Variants in THNSL1 observed in about 807,000 individuals in gnomAD.
The protein encoded by THNSL1 is threonine synthase like 1, also known as threonine synthase-like 1.
A neutral mutation model predicts 50.4 loss-of-function variants in THNSL1; 48 were observed. That is an observed-to-expected ratio of 0.95 (90% CI 0.76 to 1.21). The LOEUF is 1.21. Ranked by LOEUF, THNSL1 falls within the 50% of genes most tolerant of loss-of-function variation. The pLI is 0.00. For missense variants in THNSL1, 896 were observed against 871.7 expected (o/e 1.03, Z -0.35); for synonymous variants, 309 against 306.1 (o/e 1.01, Z -0.10).
At chr10:24,988,664 GTATA>G in the THNSL1 span, among the ~76,000 whole-genome samples, 8 of 98,874 alleles carry the variant, frequency 8.1e-5, no homozygotes, top group Non-Finnish European at 1.1e-4. Context: ...CACAGCATAT[GTATA>G]TATATATATA....
chr10:24,971,175 C>T, the THNSL1 span, among the ~76,000 whole-genome samples: 3 of 152,064 alleles, frequency 2.0e-5, no homozygotes, highest in Non-Finnish European at 4.4e-5. Flanking sequence ...TCATAGCTCA[C>T]TGCAGCCTCA....
chr10:24,967,988 G>A, the THNSL1 span, among the ~76,000 whole-genome samples: 1 of 137,772 alleles, frequency 7.3e-6, no homozygotes, highest in East Asian at 2.1e-4. Context: ...GTGTATATAT[G>A]TGTATGATGT....
At chr10:24,961,621 G>A in the THNSL1 span, among the ~76,000 whole-genome samples, 4 of 151,978 alleles carry the variant, frequency 2.6e-5, no homozygotes, top group African/African-American at 9.7e-5. Context: ...ACACTTTGAG[G>A]TTCGAGGGAA....
At chr10:25,015,864 G>A (rs761211810), upstream of THNSL1, 47 of 1,603,210 alleles carry the variant, frequency 2.9e-5, no homozygotes, top group Non-Finnish European at 3.7e-5. Flanking sequence ...ACATACCTAG[G>A]AGGCTGGGGA....
At chr10:24,985,868 G>A in the THNSL1 span, among the ~76,000 whole-genome samples, 1 of 152,152 alleles carries the variant, frequency 6.6e-6, no homozygotes, top group East Asian at 1.9e-4. Context: ...AGGAGTTCGA[G>A]ACCAGTGTGG....
upstream of THNSL1, among the ~76,000 whole-genome samples, chr10:25,013,306 T>C (rs1444956959): frequency 1.3e-5 from 2 of 152,192 alleles, no homozygotes; most frequent in African/African-American, 4.8e-5. Context: ...AATTTGCAAA[T>C]GACACAAAAA....
chr10:25,009,022 C>T, the THNSL1 span, among the ~76,000 whole-genome samples: 3 of 152,086 alleles, frequency 2.0e-5, no homozygotes, highest in Non-Finnish European at 2.9e-5. Context: ...AACCAAACAC[C>T]GCATGTTCTC....
the THNSL1 span, among the ~76,000 whole-genome samples, chr10:24,992,308 GA>G: frequency 2.6e-5 from 4 of 152,114 alleles, no homozygotes; most frequent in Non-Finnish European, 5.9e-5. Flanking sequence ...GATAGTGGGG[GA>G]AAAGAAAATA....
In THNSL1 at chr10:25,024,646, C is replaced by T. The variant is rs200567760; in HGVS notation, c.1423C>T (p.Arg475Ter). The T allele has an allele frequency of 1.2e-4, 196 of 1,614,064 alleles. No individual in the cohort carries two copies. Among genetic ancestry groups the T allele is most frequent in the Admixed American group, 5.3e-4 (32 of 60,002 alleles). Reference sequence around the variant, plus strand: ...TTCGGCTAACTCCATAAACTGGGGCCGACTACTTCCGCAGGTAGTTTATCA... The same window carrying T: ...TTCGGCTAACTCCATAAACTGGGGCTGACTACTTCCGCAGGTAGTTTATCA... ...LSSANSINWG[R>*]LLPQVVYHAS... is the part of the protein sequence containing the mutation. The change falls in exon 3 of 3, where the codon CGA (arginine) becomes TGA (stop). Residue 475 changes from arginine (R) to a stop codon, truncating the protein, a stop_gained. Coordinates refer to ENST00000376356, the MANE Select transcript of THNSL1 (RefSeq NM_024838.5). LOFTEE classifies it high-confidence loss of function.
At chr10:25,001,687 T>C in the THNSL1 span, among the ~76,000 whole-genome samples, 1 of 152,194 alleles carries the variant, frequency 6.6e-6, no homozygotes, top group Non-Finnish European at 1.5e-5. Context: ...TTGTATATGG[T>C]ATTCTTTATG....
At chr10:25,018,493 A>G (rs1432296138) in intron 1 of THNSL1, among the ~76,000 whole-genome samples, 3 of 152,184 alleles carry the variant, frequency 2.0e-5, no homozygotes, top group Non-Finnish European at 1.5e-5. Context: ...CAAAGACGGT[A>G]CTGAACAAAT....
At chr10:24,965,060 CA>C in the THNSL1 span, among the ~76,000 whole-genome samples, 3,013 of 120,248 alleles carry the variant, frequency 0.025, 51 homozygotes, top group African/African-American at 0.06. Flanking sequence ...AATCCTATCT[CA>C]AAAAAAAAAA....
At chr10:24,981,636 G>T in the THNSL1 span, among the ~76,000 whole-genome samples, 1 of 152,188 alleles carries the variant, frequency 6.6e-6, no homozygotes, top group Non-Finnish European at 1.5e-5. Flanking sequence ...GTATTAAGTT[G>T]TCTTTCTACG....
chr10:25,019,922 T>A (rs2132745963), intron 1 of THNSL1, among the ~76,000 whole-genome samples: 1 of 152,282 alleles, frequency 6.6e-6, no homozygotes, highest in Middle Eastern at 3.4e-3. Context: ...TGTGTAATGC[T>A]TTGGTGAAGT....
intron 1 of THNSL1, among the ~76,000 whole-genome samples, chr10:25,020,079 A>G (rs1850686608): frequency 6.6e-6 from 1 of 152,102 alleles, no homozygotes; most frequent in African/African-American, 2.4e-5. Context: ...TACAAAATAA[A>G]ATTTAGTATG....
the THNSL1 span, chr10:24,990,368 C>T: frequency 1.4e-6 from 2 of 1,458,456 alleles, no homozygotes; most frequent in African/African-American, 2.8e-5. Flanking sequence ...ATTTCAAAAT[C>T]CAAGTGCTGA....
the THNSL1 span, among the ~76,000 whole-genome samples, chr10:24,959,658 T>C: frequency 6.6e-6 from 1 of 152,198 alleles, no homozygotes. Context: ...CAAAATGCAA[T>C]GTAATGCAAC....
chr10:24,976,264 T>C, the THNSL1 span, among the ~76,000 whole-genome samples: 1 of 152,134 alleles, frequency 6.6e-6, no homozygotes, highest in East Asian at 1.9e-4. Context: ...TCTCTCTGCA[T>C]GCAGCCTGCA....
chr10:25,025,344 T>C lies in THNSL1; in HGVS notation c.2121T>C (p.Ala707=). ...SYNALPPLHE[A]LLERTKQQEK... ...ATGCATTACCTCCACTGCATGAGGC[T>C]TTATTAGAGAGAACAAAACAGCAAG... is the stretch of plus-strand genomic sequence containing the variant. The change falls in exon 3 of 3, where the codon GCT becomes GCC. Residue 707 remains alanine (A), a synonymous_variant. Transcript: ENST00000376356. 6.2e-7 allele frequency: 1 copy of C among 1,614,204 alleles called. No individual in the cohort carries two copies. The highest frequency in any genetic ancestry group is 8.5e-7 in the Non-Finnish European group (1 of 1,180,038).
Sources: allele counts gnomAD v4.1 joint callset (sites outside exome capture counted in the v4.1 genomes callset), GRCh38; gene constraint gnomAD v4.1.1; transcripts MANE v1.5; gene names NCBI Gene and HGNC (gene_info 2026-07-23, HGNC 2026-07-21).